PPP4R2: variants seen among roughly 807,000 people sequenced by gnomAD.
PPP4R2 encodes protein phosphatase 4 regulatory subunit 2.
Under a neutral mutation model 47.2 loss-of-function variants are expected in PPP4R2, and 13 were observed. That is an observed-to-expected ratio of 0.28 (90% CI 0.18 to 0.44). PPP4R2 has a LOEUF of 0.44. PPP4R2 is among the 20% of genes least tolerant of loss of function. PPP4R2 has a pLI of 1.00. For missense variants in PPP4R2, 421 were observed against 491.2 expected, an observed-to-expected ratio of 0.86 and a Z score of 1.35; for synonymous variants, 151 against 163.3, an observed-to-expected ratio of 0.92 and a Z score of 0.57.
intron 2 of PPP4R2, among the ~76,000 whole-genome samples, chr3:73,009,756 C>G (rs1026378183): frequency 6.6e-6 from 1 of 152,152 alleles, no homozygotes; most frequent in Admixed American, 6.5e-5. Context: ...GAATCGCTGA[C>G]TAAAACTAAC....
chr3:73,057,314 T>C (rs1702749241), intron 3 of PPP4R2, among the ~76,000 whole-genome samples: 1 of 152,150 alleles, frequency 6.6e-6, no homozygotes, highest in Non-Finnish European at 1.5e-5. Context: ...TATAAGCTTA[T>C]TGTTTCATAC....
At chr3:73,024,894 A>G (rs1457450249) in intron 2 of PPP4R2, among the ~76,000 whole-genome samples, 2 of 152,198 alleles carry the variant, frequency 1.3e-5, no homozygotes, top group Non-Finnish European at 1.5e-5. Context: ...TTGAAATAAC[A>G]CTTAGAAACA....
intron 3 of PPP4R2, among the ~76,000 whole-genome samples, chr3:73,057,131 T>C (rs934385394): frequency 6.6e-6 from 1 of 152,148 alleles, no homozygotes; most frequent in African/African-American, 2.4e-5. Context: ...AGGTGAGTTA[T>C]ACCACTAATC....
intron 5 of PPP4R2, chr3:73,061,310 T>TA (rs1702853436): frequency 4.6e-6 from 1 of 219,526 alleles, no homozygotes; most frequent in South Asian, 1.5e-4. Flanking sequence ...TTGTTGGATT[T>TA]ACATACTGTG....
intron 2 of PPP4R2, among the ~76,000 whole-genome samples, chr3:73,046,650 T>C (rs779255142): frequency 3.9e-5 from 6 of 152,156 alleles, no homozygotes; most frequent in Admixed American, 2.0e-4. Context: ...TAATCATAGG[T>C]ACATGCCTTT....
rs1349309831 is a variant in PPP4R2 at position 73,066,135 on chromosome 3, G to C, written c.*413G>C. On this transcript the variant is annotated 3_prime_UTR_variant, in exon 9 of 9. Transcript: ENST00000356692. ...TAGCTCTAGCAGTTTTCATATTTTG[G>C]TCATAGTTTCAACATTTTAACATGT... 6.7e-6 allele frequency: 1 copy of C among 150,048 alleles called. No homozygotes were observed. Among genetic ancestry groups the C allele is most frequent in the Non-Finnish European group, 1.5e-5 (1 of 67,566 alleles). The allele number at this position is 150,048 out of a possible 1,614,324, so 9.3% of individuals were successfully genotyped here. A position where few individuals can be genotyped will look rare whatever the true frequency, so the allele number is the denominator to read the frequency against.
At chr3:73,060,969 CTT>C in intron 4 of PPP4R2, 52 bp from the exon 5 acceptor site, 1 of 1,270,896 alleles carries the variant, frequency 7.9e-7, no homozygotes, top group Non-Finnish European at 1.1e-6. Context: ...AATGATGAAA[CTT>C]TATGTTGTAG....
At chr3:72,997,190 G>T in intron 1 of PPP4R2, 119 bp downstream of exon 1, 1 of 736,774 alleles carries the variant, frequency 1.4e-6, no homozygotes, top group Non-Finnish European at 1.9e-6. Context: ...AGTGCTTCCC[G>T]GGCTCCCATC....
At chr3:73,002,093 G>A (rs541789317) in intron 2 of PPP4R2, among the ~76,000 whole-genome samples, 5 of 152,142 alleles carry the variant, frequency 3.3e-5, no homozygotes, top group South Asian at 2.1e-4. Flanking sequence ...ATGTGAAAAC[G>A]TGATGTTTGT....
At chr3:73,035,451 G>C (rs2107285546) in intron 2 of PPP4R2, among the ~76,000 whole-genome samples, 1 of 152,208 alleles carries the variant, frequency 6.6e-6, no homozygotes, top group South Asian at 2.1e-4. Flanking sequence ...CAGAAAAAGG[G>C]AAACACTAGT....
At chr3:73,063,600 C>A in intron 5 of PPP4R2, 73 bp from the exon 6 acceptor site, 1 of 843,452 alleles carries the variant, frequency 1.2e-6, no homozygotes, top group Admixed American at 1.9e-5. Context: ...CTCCATTCCA[C>A]CTTGGGTGAC....
chr3:73,022,462 G>C (rs920747060), intron 2 of PPP4R2, among the ~76,000 whole-genome samples: 6 of 152,156 alleles, frequency 3.9e-5, no homozygotes, highest in Non-Finnish European at 8.8e-5. Context: ...TCAAGTGATA[G>C]AAGCCTCATA....
In PPP4R2 at chr3:73,049,080, A is replaced by C. The variant is rs140029266; in HGVS notation, c.287+1724A>C. Among the ~76,000 whole-genome samples the C allele has an allele frequency of 6.9e-4, 105 of 152,346 alleles. 1 individual carries two copies. The highest frequency in any genetic ancestry group is 2.4e-3 in the African/African-American group (99 of 41,568). On this transcript the variant is annotated intron_variant, in intron 3 of 8. Transcript: ENST00000356692. ...GTATATTTCCATATCAATATTTTAAAATTTTTCAGAAAAAGGAAAAAAAAC... is the reference window on the plus strand; with the variant it reads ...GTATATTTCCATATCAATATTTTAACATTTTTCAGAAAAAGGAAAAAAAAC...
Position 73,046,370 on chromosome 3 carries a change from TAA to T in PPP4R2, c.117-814_117-813del, listed in dbSNP as rs533002282. Among the ~76,000 whole-genome samples, 13 of 152,284 alleles carry T rather than the reference TAA, an allele frequency of 8.5e-5. No individual in the cohort carries two copies. In the South Asian group the frequency reaches 2.3e-3, roughly 27 times the overall value. On this transcript the variant is annotated intron_variant, in intron 2 of 8. Transcript: ENST00000356692. ...AATTTGTTTAAGTAGTCAACCTGTGTAAAGAGATTGATCTGCTGTCACTAATG... is the reference window on the plus strand; with the variant it reads ...AATTTGTTTAAGTAGTCAACCTGTGTAGAGATTGATCTGCTGTCACTAATG...
At chr3:73,010,159 G>A (rs1308231208) in intron 2 of PPP4R2, among the ~76,000 whole-genome samples, 4 of 152,198 alleles carry the variant, frequency 2.6e-5, no homozygotes, top group Non-Finnish European at 5.9e-5. Flanking sequence ...TTTTTAAAAT[G>A]TGGCATGGAA....
rs1457860498 is a variant in PPP4R2 at position 73,063,755 on chromosome 3, T to C, written c.494+8T>C. ...ACCAAGCTATACTGAGAGGTGAGAT[T>C]CTAGATTTTTAATACCTACAGAGTT... is the stretch of plus-strand genomic sequence containing the variant. On this transcript the variant is annotated splice_region_variant and intron_variant, in intron 6 of 8. Coordinates refer to ENST00000356692, the MANE Select transcript of PPP4R2 (RefSeq NM_174907.4). 2 of 1,510,522 alleles carry C rather than the reference T, an allele frequency of 1.3e-6. No homozygotes were observed. The highest frequency in any genetic ancestry group is 1.8e-6 in the Non-Finnish European group (2 of 1,104,492). 93.6% of individuals were successfully genotyped at this position (1,510,522 alleles called of 1,614,324 possible).
At chr3:73,024,990 G>C (rs561727759) in intron 2 of PPP4R2, among the ~76,000 whole-genome samples, 1 of 152,250 alleles carries the variant, frequency 6.6e-6, no homozygotes, top group South Asian at 2.1e-4. Flanking sequence ...TTGTTCTTCA[G>C]GTTCTAGCAA....
At chr3:73,017,088 G>A (rs1447081073) in intron 2 of PPP4R2, among the ~76,000 whole-genome samples, 1 of 152,064 alleles carries the variant, frequency 6.6e-6, no homozygotes, top group Non-Finnish European at 1.5e-5. Flanking sequence ...TGGCCTCCCA[G>A]TGCTGGGATT....
Position 73,021,151 on chromosome 3 carries a change from G to A in PPP4R2, c.116+22993G>A, listed in dbSNP as rs1176277146. ...GTTAACTAAGTTGTGTGTAGTAAAT[G>A]TTTTAAGTGAACTCATATAGCTCAC... On this transcript the variant is annotated intron_variant, in intron 2 of 8. Coordinates refer to ENST00000356692, the MANE Select transcript of PPP4R2 (RefSeq NM_174907.4). Among the ~76,000 whole-genome samples the A allele has an allele frequency of 5.9e-5, 9 of 151,836 alleles. No homozygotes were observed. In the South Asian group the frequency reaches 6.2e-4, roughly 10 times the overall value.
Sources: allele counts gnomAD v4.1 joint callset (sites outside exome capture counted in the v4.1 genomes callset), GRCh38; gene constraint gnomAD v4.1.1; transcripts MANE v1.5; gene names NCBI Gene and HGNC (gene_info 2026-07-23, HGNC 2026-07-21).